Variants in OGA observed in about 807,000 individuals in gnomAD.
The protein encoded by OGA is O-GlcNAcase.
OGA carries 21 observed loss-of-function variants against 102.0 expected under a neutral mutation model. The observed-to-expected ratio is 0.21, with a 90% CI of 0.15 to 0.30. The LOEUF (loss-of-function observed/expected upper bound fraction) is 0.30. OGA is among the 10% of genes least tolerant of loss of function. The pLI, the probability that OGA is intolerant of heterozygous loss-of-function variation, is 1.00. For missense variants in OGA, 765 were observed against 1,107.8 expected (o/e 0.69, Z 4.39); for synonymous variants, 408 against 378.2 (o/e 1.08, Z -0.91).
intron 9 of OGA, among the ~76,000 whole-genome samples, chr10:101,798,408 CTTT>C (rs1047325578): frequency 3.0e-5 from 4 of 133,010 alleles, no homozygotes; most frequent in Non-Finnish European, 1.6e-5. Context: ...AAAGAACATA[CTTT>C]TTTTTTTTTT....
At chr10:101,791,568 C>T (rs991195478) in intron 12 of OGA, 129 bp from the exon 13 acceptor site, 19 of 650,558 alleles carry the variant, frequency 2.9e-5, no homozygotes, top group Non-Finnish European at 2.7e-6. Context: ...AGAAATATCA[C>T]CTCTTCTTTG....
chr10:101,789,502 AAAAT>A (rs1330928700), intron 14 of OGA, among the ~76,000 whole-genome samples: 1 of 152,254 alleles, frequency 6.6e-6, no homozygotes, highest in Non-Finnish European at 1.5e-5. Context: ...CTGTCTCAAA[AAAAT>A]AAATAAATAA....
chr10:101,814,685 C>T (rs1046607355), intron 1 of OGA, among the ~76,000 whole-genome samples: 1 of 152,188 alleles, frequency 6.6e-6, no homozygotes, highest in African/African-American at 2.4e-5. Context: ...CTGGCCCAAA[C>T]AACAAACTCT....
Position 101,800,434 on chromosome 10 carries a change from G to A in OGA, c.1037-34C>T, listed in dbSNP as rs200622088. 185 of 1,558,972 alleles carry A rather than the reference G, an allele frequency of 1.2e-4. 3 individuals are homozygous for A. The East Asian group carries it at 2.6e-3, about 22-fold the overall frequency. On this transcript the variant is annotated intron_variant, in intron 7 of 15. Coordinates refer to ENST00000361464, the MANE Select transcript of OGA (RefSeq NM_012215.5). ...AATAAAATAAAAAAGCACAAAAATAGTTTTGATTACAAAAGCCTTCTGACA... is the reference window on the plus strand; with the variant it reads ...AATAAAATAAAAAAGCACAAAAATAATTTTGATTACAAAAGCCTTCTGACA...
chr10:101,806,360 G>A (rs975167412), intron 5 of OGA, among the ~76,000 whole-genome samples: 3 of 152,214 alleles, frequency 2.0e-5, no homozygotes, highest in Admixed American at 6.5e-5. Flanking sequence ...ACGCCGCCAC[G>A]CCCGGCTAAT....
chr10:101,800,688 C>T (rs951172446), intron 7 of OGA, among the ~76,000 whole-genome samples: 3 of 151,286 alleles, frequency 2.0e-5, no homozygotes, highest in Non-Finnish European at 4.4e-5. Context: ...CTACTGAGTA[C>T]TAATTGTTGG....
In OGA at chr10:101,817,889, G is replaced by A. The variant is rs1185599704; in HGVS notation, c.134C>T (p.Ala45Val). ...PAPGEDNPAG[A>V]GGAAVAGAAG... is the part of the protein sequence containing the mutation. ...AGCCCCGGCCACCGCCGCTCCCCCA[G>A]CCCCGGCGGGGTTGTCTTCTCCGGG... The change falls in exon 1 of 16, where the codon GCT becomes GTT. Residue 45 changes from alanine to valine, a missense_variant. Around this residue, in one of 7 missense-constraint regions of OGA, gnomAD observed 117 missense variants for 85.7 expected, o/e 1.36. Transcript: ENST00000361464. 7 of 1,557,806 alleles carry A rather than the reference G, an allele frequency of 4.5e-6. No individual in the cohort carries two copies. The East Asian group carries it at 9.6e-5, about 21-fold the overall frequency.
At chr10:101,800,108 G>A (rs1312220854) in intron 8 of OGA, 134 bp downstream of exon 8, 3 of 910,204 alleles carry the variant, frequency 3.3e-6, no homozygotes, top group Non-Finnish European at 5.0e-6. Flanking sequence ...CCTGACCTCA[G>A]GTGATCCGCC....
At chr10:101,790,851 T>C in intron 14 of OGA, 45 bp downstream of exon 14, 2 of 1,327,056 alleles carry the variant, frequency 1.5e-6, no homozygotes, top group East Asian at 2.6e-5. Flanking sequence ...AATAAATAAA[T>C]AAAAAAGACC....
rs1430576654 is a variant in OGA, at chr10:101,784,527, C to T, written c.*1924G>A. ...TACAGGAACTGAGCTCTGATCCAAA[C>T]AATCAATAAAAATGTAATTCCAACC... is the stretch of plus-strand genomic sequence containing the variant. On this transcript the variant is annotated 3_prime_UTR_variant, in exon 16 of 16. Transcript: ENST00000361464. 1.3e-5 allele frequency: 2 copies of T among 151,366 alleles called. No homozygotes were observed. The highest frequency in any genetic ancestry group is 2.9e-5 in the Non-Finnish European group (2 of 68,030). The allele number at this position is 151,366 out of a possible 1,614,324, so 9.4% of individuals were successfully genotyped here.
At chr10:101,810,373 TGAA>T in intron 3 of OGA, 59 bp from the exon 4 acceptor site, 1 of 1,467,476 alleles carries the variant, frequency 6.8e-7, no homozygotes, top group Non-Finnish European at 9.3e-7. Context: ...GAACCTTCAC[TGAA>T]GGTTTAACTG....
Position 101,806,089 on chromosome 10 carries a change from G to T in OGA, c.707C>A (p.Thr236Asn). ...TCCAGGTAGAAGCTTTTCACCCACAGTCCTTAAATATGGAGACTGAGACAC... is the reference window on the plus strand; with the variant it reads ...TCCAGGTAGAAGCTTTTCACCCACATTCCTTAAATATGGAGACTGAGACAC... Reference protein sequence around the residue: ...PNVSQSPYLRTVGEKLLPGIE... With the variant: ...PNVSQSPYLRNVGEKLLPGIE... Residue 236 changes from threonine (T) to asparagine (N), a missense_variant, in exon 6 of 16, where the codon ACT becomes AAT. Around this residue, in one of 7 missense-constraint regions of OGA, gnomAD observed 165 missense variants for 249.7 expected, o/e 0.66. Coordinates refer to ENST00000361464, the MANE Select transcript of OGA (RefSeq NM_012215.5). The T allele has an allele frequency of 1.2e-6, 2 of 1,612,542 alleles. No homozygotes were observed. The highest frequency in any genetic ancestry group is 1.7e-6 in the Non-Finnish European group (2 of 1,178,508).
rs2065434940 is a variant in OGA at position 101,804,121 on chromosome 10, G to A, written c.752-102C>T. 1.4e-5 allele frequency: 15 copies of A among 1,052,694 alleles called. 1 individual carries two copies. In the South Asian group the frequency reaches 2.3e-4, roughly 16 times the overall value. The allele number at this position is 1,052,694 out of a possible 1,614,324, so 65.2% of individuals were successfully genotyped here. ...GCACTCTGGGAGGCAGAGGTGGGCA[G>A]ATCATTTGAGCCCAGGAGTTCGGAC... is the stretch of plus-strand genomic sequence containing the variant. On this transcript the variant is annotated intron_variant, in intron 6 of 15. Transcript: ENST00000361464.
chr10:101,817,655 G>A (rs1489135342), intron 1 of OGA, among the ~76,000 whole-genome samples, 169 bp downstream of exon 1: 1 of 152,164 alleles, frequency 6.6e-6, no homozygotes. Context: ...GTCTTAAGAC[G>A]TGCAAGGAGA....
chr10:101,809,914 G>A (rs189917286), intron 4 of OGA, among the ~76,000 whole-genome samples: 34 of 151,802 alleles, frequency 2.2e-4, no homozygotes, highest in Admixed American at 1.2e-3. Flanking sequence ...ATGATGGCAC[G>A]CACCTATAGT....
intron 1 of OGA, among the ~76,000 whole-genome samples, chr10:101,813,939 A>C (rs2065589144): frequency 1.3e-5 from 2 of 151,938 alleles, no homozygotes; most frequent in African/African-American, 4.8e-5. Flanking sequence ...ATTTTTTAAG[A>C]GATCTCAATC....
intron 3 of OGA, among the ~76,000 whole-genome samples, chr10:101,810,994 CTTTT>C (rs940574452): frequency 2.8e-5 from 4 of 144,820 alleles, no homozygotes; most frequent in Non-Finnish European, 6.1e-5. Context: ...CTGGATCTTG[CTTTT>C]TTTTTTTGTT....
intron 15 of OGA, 146 bp downstream of exon 15, chr10:101,787,218 A>G: frequency 1.2e-6 from 1 of 846,822 alleles, no homozygotes; most frequent in South Asian, 2.2e-5. Context: ...GCGATTCTTC[A>G]CCACTAATTA....
intron 7 of OGA, among the ~76,000 whole-genome samples, chr10:101,803,366 C>T (rs920210834): frequency 6.7e-6 from 1 of 149,524 alleles, no homozygotes; most frequent in African/African-American, 2.5e-5. Flanking sequence ...TTATTTATTT[C>T]ATAGGATTTT....
Sources: allele counts gnomAD v4.1 joint callset (sites outside exome capture counted in the v4.1 genomes callset), GRCh38; gene constraint gnomAD v4.1.1; regional missense constraint gnomAD v4.1.1; transcripts MANE v1.5; gene names NCBI Gene and HGNC (gene_info 2026-07-23, HGNC 2026-07-21).